LRMDA: variants seen among roughly 807,000 people sequenced by gnomAD.
LRMDA encodes leucine-rich melanocyte differentiation-associated protein.
In LRMDA, 18 loss-of-function variants were observed where a neutral mutation model predicts 29.8. The ratio of observed to expected loss-of-function variants is 0.60; its 90% CI spans 0.42 to 0.90. The LOEUF is 0.90. Among genes scored for constraint, LRMDA ranks in the 40% least tolerant of loss-of-function variants. The pLI, the probability that LRMDA is intolerant of heterozygous loss-of-function variation, is 0.00. For synonymous variants in LRMDA, 125 were observed against 109.4 expected, an observed-to-expected ratio of 1.14 and a Z score of -0.89; for missense variants, 273 against 273.9, an observed-to-expected ratio of 1.00 and a Z score of 0.02.
rs1265808649 is a variant in LRMDA at position 76,557,554 on chromosome 10, C to CAA, written c.*267_*268dup. On this transcript the variant is annotated 3_prime_UTR_variant, in exon 7 of 7. Transcript: ENST00000611255. ...AGGGTGACAGACAGCGGTGGCAAAG[C>CAA]AACAGGGCTGACAGCATGAACACCA... 1.5e-5 allele frequency: 8 copies of CAA among 522,100 alleles called. No individual in the cohort carries two copies. Among genetic ancestry groups the CAA allele is most frequent in the Non-Finnish European group, 2.7e-5 (8 of 291,358 alleles). 32.3% of individuals were successfully genotyped at this position (522,100 alleles called of 1,614,324 possible). A position where few individuals can be genotyped will look rare whatever the true frequency, so the allele number is the denominator to read the frequency against.
intron 6 of LRMDA, among the ~76,000 whole-genome samples, chr10:76,407,881 G>C (rs1841918996): frequency 6.6e-6 from 1 of 152,162 alleles, no homozygotes; most frequent in Non-Finnish European, 1.5e-5. Flanking sequence ...TTCCTATTAA[G>C]AAGGGCAGTA....
intron 5 of LRMDA, among the ~76,000 whole-genome samples, chr10:76,320,277 T>C (rs992777469): frequency 4.6e-5 from 7 of 152,294 alleles, no homozygotes; most frequent in South Asian, 2.1e-4. Flanking sequence ...TATTAGTAAC[T>C]CTTTGATCGT....
Position 75,775,662 on chromosome 10 carries a change from C to T in LRMDA, c.132-260346C>T, listed in dbSNP as rs568380751. On this transcript the variant is annotated intron_variant, in intron 2 of 6. Coordinates refer to ENST00000611255, the MANE Select transcript of LRMDA (RefSeq NM_001305581.2). ...CTCTTGTGCGTGGGGAAACCTCCCA[C>T]ATCCCACTGAGGAGTCTCTGTTTGA... 1.1e-4 allele frequency among the ~76,000 whole-genome samples: 17 copies of T among 152,300 alleles called. No homozygotes were observed. In the South Asian group the frequency reaches 2.1e-3, roughly 19 times the overall value.
chr10:75,808,854 C>A (rs1843906025), intron 2 of LRMDA, among the ~76,000 whole-genome samples: 1 of 152,160 alleles, frequency 6.6e-6, no homozygotes, highest in Non-Finnish European at 1.5e-5. Context: ...TCCCTAATTT[C>A]TTAGAATACT....
At chr10:75,686,950 G>A (rs1321100240) in intron 2 of LRMDA, among the ~76,000 whole-genome samples, 6 of 152,118 alleles carry the variant, frequency 3.9e-5, no homozygotes, top group African/African-American at 1.4e-4. Flanking sequence ...GAACTTTGAT[G>A]TTCCCATTAT....
chr10:75,879,786 A>G (rs1355994060), intron 2 of LRMDA, among the ~76,000 whole-genome samples: 1 of 152,176 alleles, frequency 6.6e-6, no homozygotes, highest in Non-Finnish European at 1.5e-5. Flanking sequence ...CTGTATCCAC[A>G]TACCTTGTGG....
At chr10:75,812,749 G>A (rs1843986823) in intron 2 of LRMDA, among the ~76,000 whole-genome samples, 1 of 152,058 alleles carries the variant, frequency 6.6e-6, no homozygotes, top group African/African-American at 2.4e-5. Context: ...GTGTTTCCTG[G>A]TTTACTTGAG....
At chr10:75,619,737 C>T (rs1459258616) in intron 2 of LRMDA, among the ~76,000 whole-genome samples, 3 of 152,132 alleles carry the variant, frequency 2.0e-5, no homozygotes, top group Non-Finnish European at 4.4e-5. Context: ...GGGGAGGCAG[C>T]GTTTACTTCA....
intron 5 of LRMDA, among the ~76,000 whole-genome samples, chr10:76,204,709 C>G (rs1436848741): frequency 6.6e-6 from 1 of 152,222 alleles, no homozygotes; most frequent in African/African-American, 2.4e-5. Context: ...CAGAACCTGA[C>G]ATCTGTTTCT....
intron 2 of LRMDA, among the ~76,000 whole-genome samples, chr10:75,672,048 C>G (rs1841897607): frequency 6.6e-6 from 1 of 152,156 alleles, no homozygotes; most frequent in Non-Finnish European, 1.5e-5. Flanking sequence ...GGGGCACAGA[C>G]CCCTTATTTT....
At chr10:75,581,588 G>A (rs1451943287) in intron 2 of LRMDA, among the ~76,000 whole-genome samples, 2 of 149,252 alleles carry the variant, frequency 1.3e-5, no homozygotes, top group East Asian at 3.9e-4. Context: ...AGGATTATAA[G>A]TCATTGTACT....
At chr10:75,794,734 C>G (rs1310029570) in intron 2 of LRMDA, among the ~76,000 whole-genome samples, 2 of 152,176 alleles carry the variant, frequency 1.3e-5, no homozygotes, top group African/African-American at 2.4e-5. Flanking sequence ...ATTTGTATAT[C>G]AACTTTTGTA....
chr10:75,515,742 G>A (rs1479137050), intron 2 of LRMDA, among the ~76,000 whole-genome samples: 1 of 151,844 alleles, frequency 6.6e-6, no homozygotes, highest in Non-Finnish European at 1.5e-5. Flanking sequence ...TAGGGTACAC[G>A]TGCACAATGT....
chr10:75,512,988 G>A (rs927207741), intron 2 of LRMDA, among the ~76,000 whole-genome samples: 1 of 152,044 alleles, frequency 6.6e-6, no homozygotes, highest in Admixed American at 6.5e-5. Context: ...GAAAAAGGGG[G>A]TTTTCTCGGT....
intron 2 of LRMDA, among the ~76,000 whole-genome samples, chr10:75,843,726 A>G (rs1399390220): frequency 6.6e-6 from 1 of 152,262 alleles, no homozygotes; most frequent in African/African-American, 2.4e-5. Context: ...AGTGGGAACT[A>G]GAAACTCAGA....
intron 5 of LRMDA, among the ~76,000 whole-genome samples, chr10:76,100,548 C>T (rs1049795117): frequency 8.3e-6 from 1 of 120,102 alleles, no homozygotes. Context: ...ATGGCTTTTG[C>T]TTTATGGGTG....
chr10:76,128,980 C>G (rs371414472), intron 5 of LRMDA, among the ~76,000 whole-genome samples: 2 of 152,076 alleles, frequency 1.3e-5, no homozygotes, highest in Non-Finnish European at 2.9e-5. Flanking sequence ...TAAAATAAAC[C>G]CTCTGTTGCA....
chr10:76,062,470 G>A lies in LRMDA; in HGVS notation c.516+3687G>A, dbSNP rs549754346. Reference sequence around the variant, plus strand: ...GATTGGGTACCTGGCAGGCGCTGGCGCTTGAGTGCAAGTCCTCACTCCCTT... The same window carrying A: ...GATTGGGTACCTGGCAGGCGCTGGCACTTGAGTGCAAGTCCTCACTCCCTT... On this transcript the variant is annotated intron_variant, in intron 5 of 6. Transcript: ENST00000611255. 1.2e-4 allele frequency among the ~76,000 whole-genome samples: 19 copies of A among 152,244 alleles called. No individual in the cohort carries two copies. The Middle Eastern group carries it at 0.01, about 82-fold the overall frequency.
intron 6 of LRMDA, among the ~76,000 whole-genome samples, chr10:76,458,948 A>C (rs1564547360): frequency 6.6e-6 from 1 of 152,130 alleles, no homozygotes. Flanking sequence ...TGTGAATTCC[A>C]AGTGTCAAGA....
Sources: gnomAD v4.1 joint callset for allele counts (sites outside exome capture counted in the v4.1 genomes callset) on GRCh38, gnomAD v4.1.1 for gene constraint, MANE v1.5 for transcripts, NCBI Gene and HGNC (gene_info 2026-07-23, HGNC 2026-07-21) for gene names.